Variants in MKRN1 observed in about 807,000 individuals in gnomAD.
The protein encoded by MKRN1 is makorin ring finger protein 1.
In MKRN1, 9 loss-of-function variants were observed where a neutral mutation model predicts 55.5. The ratio of observed to expected loss-of-function variants is 0.16; its 90% CI spans 0.10 to 0.28. The LOEUF is 0.28. MKRN1 is among the 10% of genes least tolerant of loss of function. The probability of loss-of-function intolerance (pLI) is 1.00; values close to 1 mark genes in which losing one functional copy is unlikely to be tolerated. For missense variants in MKRN1, 488 were observed against 626.7 expected (o/e 0.78, Z 2.36); for synonymous variants, 253 against 235.9 (o/e 1.07, Z -0.66).
At chr7:140,479,079 G>A (rs1795210876) in intron 1 of MKRN1, 81 bp downstream of exon 1, 3 of 1,241,096 alleles carry the variant, frequency 2.4e-6, no homozygotes, top group South Asian at 6.7e-5. Flanking sequence ...CCGCAGGCCG[G>A]CCGCCCTCCT....
intron 2 of MKRN1, among the ~76,000 whole-genome samples, chr7:140,463,640 C>G (rs556442483): frequency 1.3e-5 from 2 of 152,100 alleles, no homozygotes; most frequent in African/African-American, 2.4e-5. Context: ...AATCCCAGCA[C>G]TTTGGGAGGC....
intron 1 of MKRN1, chr7:140,475,115 G>A (rs1341179970): frequency 3.2e-6 from 1 of 312,064 alleles, no homozygotes; most frequent in Non-Finnish European, 6.4e-6. Flanking sequence ...GCCAAGGTGG[G>A]TGGATCACCT....
chr7:140,467,759 C>A (rs1274084774), intron 2 of MKRN1, among the ~76,000 whole-genome samples: 1 of 151,678 alleles, frequency 6.6e-6, no homozygotes, highest in East Asian at 2.0e-4. Flanking sequence ...TCCCAGCACT[C>A]TGGGAGGCTG....
At chr7:140,474,278 A>G (rs1795049386) in intron 1 of MKRN1, 1 of 158,954 alleles carries the variant, frequency 6.3e-6, no homozygotes, top group East Asian at 1.9e-4. Context: ...CAGGTGGATC[A>G]TGAGGTCAGG....
Position 140,479,455 on chromosome 7 carries a change from A to T in MKRN1, c.-111T>A. 1 of 1,128,760 alleles carries T rather than the reference A, an allele frequency of 8.9e-7. No individual in the cohort carries two copies. Among genetic ancestry groups the T allele is most frequent in the Non-Finnish European group, 1.1e-6 (1 of 889,078 alleles). The allele number at this position is 1,128,760 out of a possible 1,614,324, so 69.9% of individuals were successfully genotyped here. ...AGGCGAGGGGAGGGGAAGGACACTG[A>T]GGCACCCGTTCGGTCCCCGCCTGCT... On this transcript the variant is annotated 5_prime_UTR_variant, in exon 1 of 8. Transcript: ENST00000255977.
At chr7:140,477,776 G>GT (rs1563099354) in intron 1 of MKRN1, among the ~76,000 whole-genome samples, 8 of 152,216 alleles carry the variant, frequency 5.3e-5, no homozygotes, top group Non-Finnish European at 1.0e-4. Context: ...CGACAGGCCG[G>GT]TTTCAATCTT....
chr7:140,478,398 G>C (rs1563099664), intron 1 of MKRN1: 1 of 152,052 alleles, frequency 6.6e-6, no homozygotes, highest in Non-Finnish European at 1.5e-5. Context: ...TTCCGGGAGC[G>C]AAGAGCCCTT....
At chr7:140,470,660 A>T (rs961774874) in intron 2 of MKRN1, among the ~76,000 whole-genome samples, 1 of 151,918 alleles carries the variant, frequency 6.6e-6, no homozygotes. Context: ...TCACACCTGT[A>T]ATCCCAGCAC....
At chr7:140,473,407 A>T (rs144527441) in intron 1 of MKRN1, 1 of 328,898 alleles carries the variant, frequency 3.0e-6, no homozygotes, top group Non-Finnish European at 5.9e-6. Context: ...GTGGCCCCCA[A>T]CATAGAGAAC....
At position 140,454,333 on chromosome 7, in the gene MKRN1, G is replaced by A; in HGVS notation, c.*184C>T. ...TTATTTTTGTAACTTTTTTCAACAG[G>A]GAAAACAACACACTCCTCAGGGAAA... On this transcript the variant is annotated 3_prime_UTR_variant, in exon 8 of 8. Coordinates refer to ENST00000255977, the MANE Select transcript of MKRN1 (RefSeq NM_013446.4). 1 of 613,076 alleles carries A rather than the reference G, an allele frequency of 1.6e-6. No individual in the cohort carries two copies. Among genetic ancestry groups the A allele is most frequent in the Non-Finnish European group, 2.9e-6 (1 of 347,064 alleles). The allele number at this position is 613,076 out of a possible 1,614,324, so 38.0% of individuals were successfully genotyped here.
intron 2 of MKRN1, among the ~76,000 whole-genome samples, chr7:140,463,085 C>A (rs1056514465): frequency 6.6e-6 from 1 of 152,196 alleles, no homozygotes; most frequent in African/African-American, 2.4e-5. Flanking sequence ...CATGGTGAAA[C>A]CACCATCTCC....
At chr7:140,454,957 G>T in intron 7 of MKRN1, 138 bp downstream of exon 7, 1 of 1,288,720 alleles carries the variant, frequency 7.8e-7, no homozygotes, top group South Asian at 1.5e-5. Flanking sequence ...GTTTTCTGAG[G>T]TTTGTTTCCT....
At chr7:140,459,675 C>CT in intron 3 of MKRN1, 32 bp downstream of exon 3, 1 of 1,596,718 alleles carries the variant, frequency 6.3e-7, no homozygotes, top group Non-Finnish European at 8.6e-7. Context: ...ATCCAGCCCT[C>CT]TAACTCTTAT....
intron 2 of MKRN1, among the ~76,000 whole-genome samples, chr7:140,466,176 TTAGC>T (rs1326140832): frequency 1.3e-5 from 2 of 152,182 alleles, no homozygotes; most frequent in East Asian, 1.9e-4. Context: ...GATTCTTTCT[TTAGC>T]TAGTCCACAA....
At chr7:140,460,585 G>C (rs965701222) in intron 2 of MKRN1, among the ~76,000 whole-genome samples, 7 of 152,208 alleles carry the variant, frequency 4.6e-5, no homozygotes, top group South Asian at 4.1e-4. Context: ...ACAGGTGTGA[G>C]CCACCACGTA....
At chr7:140,469,170 C>T (rs145943865) in intron 2 of MKRN1, among the ~76,000 whole-genome samples, 3,822 of 151,876 alleles carry the variant, frequency 0.025, 70 homozygotes, top group Middle Eastern at 0.041. Flanking sequence ...ACTAAAAATA[C>T]AAAAAATTAG....
intron 1 of MKRN1, 110 bp from the exon 2 acceptor site, chr7:140,472,121 A>G: frequency 7.0e-7 from 1 of 1,436,532 alleles, no homozygotes; most frequent in Non-Finnish European, 9.5e-7. Context: ...AAACATACGA[A>G]ATAAACACAA....
chr7:140,459,986 C>G (rs748950871), intron 2 of MKRN1, 50 bp from the exon 3 acceptor site: 1 of 1,493,408 alleles, frequency 6.7e-7, no homozygotes, highest in Non-Finnish European at 9.3e-7. Context: ...GTGGCTCAAG[C>G]CTGTAATCCC....
intron 2 of MKRN1, among the ~76,000 whole-genome samples, chr7:140,464,711 A>T (rs533572847): frequency 6.6e-6 from 1 of 152,282 alleles, no homozygotes; most frequent in African/African-American, 2.4e-5. Context: ...GTCTCAAAAA[A>T]ACAAACAAAC....
Sources: allele counts gnomAD v4.1 joint callset (sites outside exome capture counted in the v4.1 genomes callset), GRCh38; gene constraint gnomAD v4.1.1; transcripts MANE v1.5; gene names NCBI Gene and HGNC (gene_info 2026-07-23, HGNC 2026-07-21).